Variants in ASXL2 observed in about 807,000 individuals in gnomAD.
ASXL2 encodes putative Polycomb group protein ASXL2.
In ASXL2, 23 loss-of-function variants were observed where a neutral mutation model predicts 122.0. That is an observed-to-expected ratio of 0.19 (90% CI 0.14 to 0.27). The LOEUF (loss-of-function observed/expected upper bound fraction) is 0.27, where lower values mean the gene tolerates loss of function less well. Among genes scored for constraint, ASXL2 ranks in the 10% least tolerant of loss-of-function variants. The pLI, the probability that ASXL2 is intolerant of heterozygous loss-of-function variation, is 1.00. For synonymous variants in ASXL2, 650 were observed against 637.0 expected (o/e 1.02, Z -0.31); for missense variants, 1,518 against 1,713.8 (o/e 0.89, Z 2.02).
chr2:25,828,846 A>AAAC (rs1559522622), intron 3 of ASXL2, among the ~76,000 whole-genome samples: 18 of 151,222 alleles, frequency 1.2e-4, no homozygotes, highest in African/African-American at 2.9e-4. Context: ...AAAAAAAAAA[A>AAAC]AACAACAACC....
intron 1 of ASXL2, among the ~76,000 whole-genome samples, chr2:25,866,672 C>A (rs190534067): frequency 2.6e-5 from 4 of 152,292 alleles, no homozygotes; most frequent in Admixed American, 2.6e-4. Context: ...AATAACAAGA[C>A]AGCTTTTCAC....
At position 25,750,356 on chromosome 2, in the gene ASXL2, T is replaced by G. The variant is rs1277009981; in HGVS notation, c.1200A>C (p.Lys400Asn). 1 of 1,613,240 alleles carries G rather than the reference T, an allele frequency of 6.2e-7. No individual in the cohort carries two copies. The highest frequency in any genetic ancestry group is 2.2e-5 in the East Asian group (1 of 44,882). The part of the protein sequence containing the change: ...KKLTASPSDP[K>N]VKKTPAEQPK... ...GTTGTTCAGCTGGGGTTTTCTTTAC[T>G]TTGGGATCACTGGGAGAAGCTGTCA... Residue 400 changes from lysine (K) to asparagine (N), a missense_variant, in exon 12 of 13, where the codon AAA becomes AAC. This residue lies in a region of ASXL2 where 92 missense variants were observed against 156.6 expected (regional missense o/e 0.59). Transcript: ENST00000435504.
At chr2:25,841,575 G>A (rs1256276111) in intron 2 of ASXL2, among the ~76,000 whole-genome samples, 2 of 152,082 alleles carry the variant, frequency 1.3e-5, no homozygotes, top group South Asian at 2.1e-4. Context: ...TGCCAGGCAC[G>A]GTAGCTCATG....
At position 25,738,979 on chromosome 2, in the gene ASXL2, A is replaced by G. The variant is rs1163260261; in HGVS notation, c.*3050T>C. ...GGCTATTTGGCTTTACTTTCTGTTT[A>G]ATAGGATGGAGAATTCTAATTCTCC... is the stretch of plus-strand genomic sequence containing the variant. On this transcript the variant is annotated 3_prime_UTR_variant, in exon 13 of 13. Coordinates refer to ENST00000435504, the MANE Select transcript of ASXL2 (RefSeq NM_018263.6). 6.6e-6 allele frequency: 1 copy of G among 152,180 alleles called. No individual in the cohort carries two copies. Among genetic ancestry groups the G allele is most frequent in the Non-Finnish European group, 1.5e-5 (1 of 68,024 alleles). The allele number at this position is 152,180 out of a possible 1,614,324, so 9.4% of individuals were successfully genotyped here.
chr2:25,812,296 T>C (rs2089180267), intron 3 of ASXL2, among the ~76,000 whole-genome samples: 2 of 151,724 alleles, frequency 1.3e-5, no homozygotes, highest in Admixed American at 6.6e-5. Context: ...CCATTTCTAC[T>C]AAAAATATAA....
intron 3 of ASXL2, among the ~76,000 whole-genome samples, chr2:25,828,716 T>C (rs2089409655): frequency 7.0e-6 from 1 of 142,384 alleles, no homozygotes; most frequent in African/African-American, 2.6e-5. Context: ...TCCCAGCTAC[T>C]GGGGAGGCTG....
chr2:25,798,683 G>T (rs2088947518), intron 5 of ASXL2, among the ~76,000 whole-genome samples: 1 of 152,110 alleles, frequency 6.6e-6, no homozygotes, highest in Admixed American at 6.5e-5. Context: ...GTAATTGCTT[G>T]AACCCAGGAG....
intron 1 of ASXL2, among the ~76,000 whole-genome samples, chr2:25,867,599 G>A (rs937996770): frequency 1.3e-5 from 2 of 149,894 alleles, no homozygotes; most frequent in Non-Finnish European, 3.0e-5. Context: ...TCCCACAAAT[G>A]CCCCAATCTG....
chr2:25,865,732 G>A (rs1373458268), intron 1 of ASXL2, among the ~76,000 whole-genome samples: 4 of 127,322 alleles, frequency 3.1e-5, no homozygotes, highest in East Asian at 2.4e-4. Flanking sequence ...CCGAGATCGC[G>A]CCACTGGACT....
At chr2:25,781,572 T>A (rs1559509413) in intron 5 of ASXL2, among the ~76,000 whole-genome samples, 2 of 151,314 alleles carry the variant, frequency 1.3e-5, no homozygotes, top group African/African-American at 2.4e-5. Context: ...TTTTTTTTTT[T>A]AAGACACAGG....
At chr2:25,817,838 C>A (rs1245051814) in intron 3 of ASXL2, among the ~76,000 whole-genome samples, 2 of 152,094 alleles carry the variant, frequency 1.3e-5, no homozygotes, top group South Asian at 2.1e-4. Flanking sequence ...AGAGTGAGAA[C>A]CCCAGATGCC....
In ASXL2 at chr2:25,855,442, G is replaced by T. The variant is rs190989853; in HGVS notation, c.58-9879C>A. On this transcript the variant is annotated intron_variant, in intron 1 of 12. Transcript: ENST00000435504. ...TCAGCACTTTGGAAGGCCAAGGCGGGCAGATTCCCTGAGGTCAGGAGTTTG... is the reference window on the plus strand; with the variant it reads ...TCAGCACTTTGGAAGGCCAAGGCGGTCAGATTCCCTGAGGTCAGGAGTTTG... Among the ~76,000 whole-genome samples, 16 of 152,250 alleles carry T rather than the reference G, an allele frequency of 1.1e-4. No individual in the cohort carries two copies. The East Asian group carries it at 2.9e-3, about 28-fold the overall frequency.
chr2:25,742,783 C>T lies in ASXL2; in HGVS notation c.3554G>A (p.Ser1185Asn). ...SSKEDDTDEESTGDEQESVTV... is the reference protein window; with the variant it reads ...SSKEDDTDEENTGDEQESVTV... The stretch of plus-strand genomic sequence containing the variant: ...GACAGATTCCTGCTCATCACCAGTA[C>T]TTTCCTCATCAGTGTCATCTTCTTT... The change falls in exon 13 of 13, where the codon AGT becomes AAT. Residue 1185 changes from serine (S) to asparagine (N), a missense_variant. Transcript: ENST00000435504. The T allele has an allele frequency of 6.2e-7, 1 of 1,614,002 alleles. No individual in the cohort carries two copies.
At chr2:25,859,436 T>C (rs1186855698) in intron 1 of ASXL2, among the ~76,000 whole-genome samples, 1 of 152,208 alleles carries the variant, frequency 6.6e-6, no homozygotes, top group Non-Finnish European at 1.5e-5. Context: ...ATTTCATACA[T>C]TGCTGGTGGC....
chr2:25,840,571 C>G (rs1414382139), intron 2 of ASXL2, among the ~76,000 whole-genome samples: 1 of 152,198 alleles, frequency 6.6e-6, no homozygotes, highest in East Asian at 1.9e-4. Context: ...TCTACTTTCT[C>G]TCTATGAACT....
chr2:25,797,820 G>C (rs2088933103), intron 5 of ASXL2, among the ~76,000 whole-genome samples: 2 of 152,222 alleles, frequency 1.3e-5, no homozygotes, highest in Admixed American at 1.3e-4. Flanking sequence ...CACTTTGGTA[G>C]ACTGGAAGTT....
intron 4 of ASXL2, among the ~76,000 whole-genome samples, chr2:25,805,873 C>T (rs1224580936): frequency 2.6e-5 from 4 of 152,090 alleles, no homozygotes; most frequent in African/African-American, 9.7e-5. Context: ...GGTGGGGTTT[C>T]ACTGTGTTGC....
chr2:25,766,540 TG>T (rs1367083540), intron 8 of ASXL2, among the ~76,000 whole-genome samples: 2 of 152,216 alleles, frequency 1.3e-5, no homozygotes, highest in Non-Finnish European at 2.9e-5. Flanking sequence ...TCTGCTTATC[TG>T]GGAACCTATA....
intron 1 of ASXL2, among the ~76,000 whole-genome samples, chr2:25,849,329 C>T (rs2089690093): frequency 6.7e-6 from 1 of 150,296 alleles, no homozygotes; most frequent in Non-Finnish European, 1.5e-5. Context: ...CGCCTGTAAT[C>T]CCAGTTACTC....
Sources: gnomAD v4.1 joint callset for allele counts (sites outside exome capture counted in the v4.1 genomes callset) on GRCh38, gnomAD v4.1.1 for gene constraint, gnomAD v4.1.1 regional missense constraint, MANE v1.5 for transcripts, NCBI Gene and HGNC (gene_info 2026-07-23, HGNC 2026-07-21) for gene names.